Variants in ARHGEF7 observed in about 807,000 individuals in gnomAD.
ARHGEF7 encodes the protein Rho guanine nucleotide exchange factor 7.
In ARHGEF7, 33 loss-of-function variants were observed where a neutral mutation model predicts 109.8. The ratio of observed to expected loss-of-function variants is 0.30; its 90% CI spans 0.23 to 0.40. The LOEUF is 0.40. Among genes scored for constraint, ARHGEF7 ranks in the 10% least tolerant of loss-of-function variants. The probability of loss-of-function intolerance (pLI) is 1.00; values close to 1 mark genes in which losing one functional copy is unlikely to be tolerated. For synonymous variants in ARHGEF7, 458 were observed against 424.6 expected (o/e 1.08, Z -0.97); for missense variants, 938 against 1,098.5 (o/e 0.85, Z 2.07).
intron 1 of ARHGEF7, among the ~76,000 whole-genome samples, chr13:111,122,040 G>C (rs2067234082): frequency 6.6e-6 from 1 of 152,188 alleles, no homozygotes; most frequent in African/African-American, 2.4e-5. Context: ...CCAAATCCAG[G>C]AACACGGGTT....
chr13:111,287,836 T>A (rs2093088651), intron 17 of ARHGEF7, among the ~76,000 whole-genome samples: 1 of 152,236 alleles, frequency 6.6e-6, no homozygotes, highest in South Asian at 2.1e-4. Flanking sequence ...GACAAGATGA[T>A]GGGCCCGGGT....
At chr13:111,269,045 A>T (rs185152459) in intron 9 of ARHGEF7, among the ~76,000 whole-genome samples, 2 of 152,226 alleles carry the variant, frequency 1.3e-5, no homozygotes, top group Admixed American at 6.5e-5. Context: ...CAGTGGCAGA[A>T]AAGGAAAACC....
intron 9 of ARHGEF7, among the ~76,000 whole-genome samples, chr13:111,268,526 G>A (rs954557135): frequency 2.0e-5 from 3 of 152,154 alleles, no homozygotes; most frequent in Non-Finnish European, 4.4e-5. Context: ...CAGCTTAACC[G>A]AACATTTCCA....
chr13:111,193,878 T>C (rs945667639), intron 2 of ARHGEF7, among the ~76,000 whole-genome samples: 7 of 152,246 alleles, frequency 4.6e-5, no homozygotes, highest in African/African-American at 1.7e-4. Flanking sequence ...CGCCATCCTC[T>C]GGGAGAAAAG....
chr13:111,236,147 TTCTC>T (rs768369885), intron 6 of ARHGEF7, among the ~76,000 whole-genome samples: 2 of 152,178 alleles, frequency 1.3e-5, no homozygotes, highest in Non-Finnish European at 2.9e-5. Flanking sequence ...CAGTAACTAT[TTCTC>T]TCTCCTCTCC....
Position 111,145,033 on chromosome 13 carries a change from C to CT in ARHGEF7, c.166-8861dup, listed in dbSNP as rs5806887. ...AACACCTACATACATTTTCTTCTTG[C>CT]TTTTTTTTTTTAAAAACACAAAAGG... is the stretch of plus-strand genomic sequence containing the variant. On this transcript the variant is annotated intron_variant, in intron 1 of 21. Transcript: ENST00000646102. The surrounding 1 kb of genome is among the most constrained non-coding windows in gnomAD (Gnocchi z 4.3). Among the ~76,000 whole-genome samples the CT allele has an allele frequency of 0.6, 89,217 of 149,014 alleles. 27,079 individuals carry two copies. Among genetic ancestry groups the CT allele is most frequent in the African/African-American group, 0.7 (28,470 of 40,610 alleles).
intron 8 of ARHGEF7, among the ~76,000 whole-genome samples, chr13:111,262,724 T>C (rs769964228): frequency 6.6e-6 from 1 of 152,250 alleles, no homozygotes; most frequent in South Asian, 2.1e-4. Context: ...AGTAATCTTC[T>C]GGGTAAGGAA....
intron 2 of ARHGEF7, among the ~76,000 whole-genome samples, chr13:111,157,683 G>C (rs1422903214): frequency 6.6e-5 from 10 of 152,164 alleles, no homozygotes; most frequent in Non-Finnish European, 7.3e-5. Context: ...ATTTTCTTAG[G>C]TAAACAGCTA....
chr13:111,299,841 T>C (rs2093522181), intron 19 of ARHGEF7, among the ~76,000 whole-genome samples: 2 of 152,168 alleles, frequency 1.3e-5, no homozygotes, highest in African/African-American at 4.8e-5. Flanking sequence ...CCAACATGAG[T>C]GTCCCTTCTT....
At chr13:111,294,838 C>T (rs1230475736) in intron 19 of ARHGEF7, 5 of 985,622 alleles carry the variant, frequency 5.1e-6, no homozygotes, top group Non-Finnish European at 6.0e-6. Flanking sequence ...AAGCCATCAC[C>T]AGGCCTTTGC....
chr13:111,249,827 A>G (rs529232255), intron 8 of ARHGEF7, among the ~76,000 whole-genome samples: 1 of 152,240 alleles, frequency 6.6e-6, no homozygotes, highest in Admixed American at 6.5e-5. Flanking sequence ...TGGCGTATGG[A>G]TGAGGCCATG....
At chr13:111,195,681 G>A (rs1212899389) in intron 2 of ARHGEF7, among the ~76,000 whole-genome samples, 2 of 152,196 alleles carry the variant, frequency 1.3e-5, no homozygotes, top group East Asian at 3.9e-4. Flanking sequence ...GCACTCTGGG[G>A]CAGTGCGCCT....
intron 1 of ARHGEF7, among the ~76,000 whole-genome samples, chr13:111,125,899 A>C (rs572949003): frequency 2.0e-5 from 3 of 152,350 alleles, no homozygotes; most frequent in South Asian, 4.1e-4. Context: ...AGAATGCTAC[A>C]GTGATTTTGA....
intron 1 of ARHGEF7, among the ~76,000 whole-genome samples, chr13:111,139,377 T>A (rs1296392435): frequency 1.3e-5 from 2 of 152,196 alleles, no homozygotes; most frequent in Non-Finnish European, 2.9e-5. Context: ...TTTTTGTCTC[T>A]CTGTATCTGT....
rs1259131029 is a variant in ARHGEF7, at chr13:111,228,939, CAG to C, written c.671-4263_671-4262del. Among the ~76,000 whole-genome samples, 3 of 152,030 alleles carry C rather than the reference CAG, an allele frequency of 2.0e-5. No homozygotes were observed. The highest frequency in any genetic ancestry group is 4.8e-5 in the African/African-American group (2 of 41,380). ...ACAAATGAAAGCGTAACCACTGAAA[CAG>C]AGGGAAGCGGCTGGGTGGCTTCCAG... On this transcript the variant is annotated intron_variant, in intron 5 of 21. Transcript: ENST00000646102. The surrounding 1 kb of genome is among the most constrained non-coding windows in gnomAD (Gnocchi z 4.6).
chr13:111,284,163 G>A (rs1228900574), intron 16 of ARHGEF7, among the ~76,000 whole-genome samples: 1 of 152,142 alleles, frequency 6.6e-6, no homozygotes, highest in East Asian at 1.9e-4. Flanking sequence ...GCGTCAGTGT[G>A]AGCAGCAGTG....
intron 9 of ARHGEF7, among the ~76,000 whole-genome samples, chr13:111,271,874 A>G (rs955019669): frequency 6.6e-6 from 1 of 152,208 alleles, no homozygotes; most frequent in African/African-American, 2.4e-5. Flanking sequence ...ATATCTGTTA[A>G]GTGTGTATAT....
chr13:111,247,894 G>A (rs995090865), intron 8 of ARHGEF7, among the ~76,000 whole-genome samples: 1 of 152,312 alleles, frequency 6.6e-6, no homozygotes, highest in Middle Eastern at 3.4e-3. Flanking sequence ...CAGGTGAGAT[G>A]TGCTTTCTTC....
At chr13:111,117,745 C>A (rs988062643) in intron 1 of ARHGEF7, among the ~76,000 whole-genome samples, 8 of 151,532 alleles carry the variant, frequency 5.3e-5, no homozygotes, top group African/African-American at 1.7e-4. Context: ...TTCCTTCCTT[C>A]GAGATGGGTT....
Sources: gnomAD v4.1 joint callset for allele counts (sites outside exome capture counted in the v4.1 genomes callset) on GRCh38, gnomAD v4.1.1 for gene constraint, Gnocchi (gnomAD v3.1) non-coding constraint, MANE v1.5 for transcripts, NCBI Gene and HGNC (gene_info 2026-07-23, HGNC 2026-07-21) for gene names.